The following WDR70 variants were observed in gnomAD, a reference collection of about 807,000 sequenced individuals.
WDR70 encodes WD repeat domain 70, also known as WD repeat-containing protein 70.
A neutral mutation model predicts 88.6 loss-of-function variants in WDR70; 53 were observed. The ratio of observed to expected loss-of-function variants is 0.60; its 90% CI spans 0.48 to 0.75. The LOEUF is 0.75. Among genes scored for constraint, WDR70 ranks in the 30% least tolerant of loss-of-function variants. The probability of loss-of-function intolerance (pLI) is 0.00; values close to 1 mark genes in which losing one functional copy is unlikely to be tolerated. For synonymous variants in WDR70, 280 were observed against 270.0 expected, an observed-to-expected ratio of 1.04 and a Z score of -0.36; for missense variants, 610 against 823.2, an observed-to-expected ratio of 0.74 and a Z score of 3.17.
At chr5:37,673,788 C>T (rs1424590156) in intron 10 of WDR70, among the ~76,000 whole-genome samples, 2 of 151,974 alleles carry the variant, frequency 1.3e-5, no homozygotes, top group Non-Finnish European at 2.9e-5. Context: ...TAACAACAGG[C>T]CCCAGTGTGT....
intron 13 of WDR70, among the ~76,000 whole-genome samples, chr5:37,714,305 T>C (rs574304786): frequency 6.6e-6 from 1 of 152,326 alleles, no homozygotes; most frequent in Admixed American, 6.5e-5. Context: ...ATGGTCATTA[T>C]CTTTATGCCT....
At chr5:37,463,001 TG>T (rs1281720051) in intron 7 of WDR70, among the ~76,000 whole-genome samples, 1 of 152,052 alleles carries the variant, frequency 6.6e-6, no homozygotes, top group East Asian at 1.9e-4. Flanking sequence ...AGGCCAGGCG[TG>T]GTGGCTCATG....
chr5:37,694,231 C>T (rs1169117991), intron 10 of WDR70, among the ~76,000 whole-genome samples: 1 of 152,184 alleles, frequency 6.6e-6, no homozygotes, highest in Non-Finnish European at 1.5e-5. Context: ...GAAATAGGAA[C>T]ACTTTTGCAC....
rs189305757 is a variant in WDR70 at position 37,660,123 on chromosome 5, G to C, written c.1093-37532G>C. On this transcript the variant is annotated intron_variant, in intron 10 of 17. Coordinates refer to ENST00000265107, the MANE Select transcript of WDR70 (RefSeq NM_018034.4). ...TTGTTAATTAATCTGTTAATTGATA[G>C]AAATCAATTGCTAATTGAGTTCTAT... Among the ~76,000 whole-genome samples the C allele has an allele frequency of 2.6e-5, 4 of 152,222 alleles. No individual in the cohort carries two copies. In the East Asian group the frequency reaches 7.7e-4, roughly 29 times the overall value.
At chr5:37,446,169 C>T (rs1027485927) in intron 7 of WDR70, among the ~76,000 whole-genome samples, 13 of 152,222 alleles carry the variant, frequency 8.5e-5, no homozygotes, top group Admixed American at 5.9e-4. Context: ...AACCAAATCA[C>T]GAGTGAACTC....
intron 9 of WDR70, among the ~76,000 whole-genome samples, chr5:37,601,423 C>T (rs1334030333): frequency 6.6e-6 from 1 of 152,162 alleles, no homozygotes; most frequent in African/African-American, 2.4e-5. Context: ...ATTTGCTTTG[C>T]TAACATTTTT....
chr5:37,539,717 G>A (rs139946407), intron 9 of WDR70, among the ~76,000 whole-genome samples: 8 of 152,300 alleles, frequency 5.3e-5, no homozygotes, highest in Middle Eastern at 3.4e-3. Context: ...TGTTTGAGGC[G>A]TCTTACCATT....
At chr5:37,734,469 A>G (rs1349083672) in intron 17 of WDR70, among the ~76,000 whole-genome samples, 1 of 152,158 alleles carries the variant, frequency 6.6e-6, no homozygotes, top group Non-Finnish European at 1.5e-5. Context: ...TTGTAGGGGT[A>G]CAGCCATTTT....
At chr5:37,510,383 G>A (rs992431189) in intron 8 of WDR70, among the ~76,000 whole-genome samples, 1 of 152,108 alleles carries the variant, frequency 6.6e-6, no homozygotes, top group African/African-American at 2.4e-5. Flanking sequence ...GCTTTTGAAA[G>A]TAAGTTGTAA....
intron 9 of WDR70, among the ~76,000 whole-genome samples, chr5:37,521,205 T>C (rs1741074386): frequency 6.6e-6 from 1 of 152,244 alleles, no homozygotes. Context: ...CTTTCCCAAA[T>C]AGATTTCCAG....
intron 9 of WDR70, among the ~76,000 whole-genome samples, chr5:37,597,002 A>G (rs1743721770): frequency 6.6e-6 from 1 of 152,092 alleles, no homozygotes; most frequent in South Asian, 2.1e-4. Context: ...AGCAGAATGT[A>G]TTTGAGTTGT....
intron 7 of WDR70, among the ~76,000 whole-genome samples, chr5:37,449,381 C>T (rs372771966): frequency 1.3e-5 from 2 of 152,050 alleles, no homozygotes; most frequent in East Asian, 3.9e-4. Context: ...CACCTGAGGT[C>T]AGGAGTTCAA....
chr5:37,419,678 G>A (rs1284399556), intron 5 of WDR70, among the ~76,000 whole-genome samples: 2 of 151,724 alleles, frequency 1.3e-5, no homozygotes, highest in African/African-American at 4.8e-5. Flanking sequence ...AACCGGGTGC[G>A]GTGGCAGGTG....
chr5:37,387,787 A>G (rs1334850298), intron 3 of WDR70, among the ~76,000 whole-genome samples: 4 of 152,140 alleles, frequency 2.6e-5, no homozygotes, highest in Admixed American at 1.3e-4. Flanking sequence ...CTAGTTTCCT[A>G]CCATGAGACA....
intron 17 of WDR70, among the ~76,000 whole-genome samples, chr5:37,741,257 A>C (rs1212844389): frequency 8.3e-6 from 1 of 120,080 alleles, no homozygotes; most frequent in African/African-American, 3.1e-5. Flanking sequence ...TTTTTTTTTT[A>C]ATTTAAAAAG....
chr5:37,516,333 A>G (rs1740882215), intron 8 of WDR70, among the ~76,000 whole-genome samples, 181 bp from the exon 9 acceptor site: 1 of 152,224 alleles, frequency 6.6e-6, no homozygotes, highest in Admixed American at 6.5e-5. Flanking sequence ...AGTTAAAGCG[A>G]AATAAATGAA....
chr5:37,738,905 A>G (rs760289361), intron 17 of WDR70, among the ~76,000 whole-genome samples: 1 of 152,262 alleles, frequency 6.6e-6, no homozygotes, highest in Admixed American at 6.5e-5. Context: ...ATTAACTATT[A>G]GCAAATGCAG....
intron 7 of WDR70, among the ~76,000 whole-genome samples, chr5:37,473,987 A>G (rs576140334): frequency 6.6e-6 from 1 of 152,172 alleles, no homozygotes; most frequent in South Asian, 2.1e-4. Flanking sequence ...TAAATACTAA[A>G]TTTTCTACTT....
At chr5:37,656,511 C>A (rs192736146) in intron 10 of WDR70, among the ~76,000 whole-genome samples, 97 of 152,342 alleles carry the variant, frequency 6.4e-4, no homozygotes, top group Non-Finnish European at 1.2e-3. Context: ...AGCTGGCAGG[C>A]AGGAACTTTT....
Sources: allele counts gnomAD v4.1 joint callset (sites outside exome capture counted in the v4.1 genomes callset), GRCh38; gene constraint gnomAD v4.1.1; transcripts MANE v1.5; gene names NCBI Gene and HGNC (gene_info 2026-07-23, HGNC 2026-07-21).